PAMR1: variants seen among roughly 807,000 people sequenced by gnomAD.
PAMR1 encodes the protein peptidase domain containing associated with muscle regeneration 1, also known as inactive serine protease PAMR1.
In PAMR1, 88 loss-of-function variants were observed where a neutral mutation model predicts 81.8. The ratio of observed to expected loss-of-function variants is 1.08; its 90% CI spans 0.91 to 1.28. PAMR1 has a LOEUF of 1.28. Among genes scored for constraint, PAMR1 ranks in the 50% most tolerant of loss-of-function variants. PAMR1 has a pLI of 0.00. For synonymous variants in PAMR1, 336 were observed against 345.3 expected (o/e 0.97, Z 0.30); for missense variants, 935 against 919.7 (o/e 1.02, Z -0.21).
Position 35,441,620 on chromosome 11 carries a change from C to A in PAMR1, c.894G>T (p.Gly298=). The change falls in exon 7 of 11, where the codon GGG becomes GGT. Residue 298 remains glycine (G), a synonymous_variant. Transcript: ENST00000619888. ...TTTTAGCATGGCGTCCGTTGATAAG[C>A]CCAGGGCCCCCTGTTATTTTCTGGT... ...NGYQKITGGP[G]LINGRHAKIG... The A allele has an allele frequency of 6.2e-7, 1 of 1,613,954 alleles. No homozygotes were observed. Among genetic ancestry groups the A allele is most frequent in the East Asian group, 2.2e-5 (1 of 44,886 alleles).
intron 6 of PAMR1, among the ~76,000 whole-genome samples, chr11:35,457,493 T>C (rs1240176437): frequency 1.3e-5 from 1 of 78,522 alleles, no homozygotes; most frequent in African/African-American, 4.1e-5. Flanking sequence ...TTTGTGTGTA[T>C]GTGTGTGTGT....
chr11:35,524,402 A>G (rs1419390493), intron 1 of PAMR1, among the ~76,000 whole-genome samples: 1 of 152,106 alleles, frequency 6.6e-6, no homozygotes, highest in Non-Finnish European at 1.5e-5. Flanking sequence ...TTGATCATGA[A>G]GGGATGTGCC....
chr11:35,502,556 T>C (rs615975), intron 1 of PAMR1, among the ~76,000 whole-genome samples: 50,228 of 151,980 alleles, frequency 0.33, 8,516 homozygotes, highest in African/African-American at 0.41. Context: ...TAATGGCTTC[T>C]GGCTTCATCC....
chr11:35,488,544 T>C (rs1850555103), intron 3 of PAMR1, among the ~76,000 whole-genome samples: 1 of 125,376 alleles, frequency 8.0e-6, no homozygotes. Context: ...TTGGTATTTT[T>C]CCACAGCTGT....
intron 3 of PAMR1, among the ~76,000 whole-genome samples, chr11:35,476,666 G>T (rs561373235): frequency 6.6e-6 from 1 of 152,072 alleles, no homozygotes; most frequent in Non-Finnish European, 1.5e-5. Context: ...CCTTGTTCCC[G>T]AACATACTGT....
rs1856038599 is a variant in PAMR1, at chr11:35,436,121, T to A, written c.1115A>T (p.His372Leu). 6.2e-7 allele frequency: 1 copy of A among 1,612,918 alleles called. No homozygotes were observed. Among genetic ancestry groups the A allele is most frequent in the South Asian group, 1.1e-5 (1 of 91,060 alleles). ...GCTGAAGGCCGCTGAGTATAGCTGG[T>A]GTAATGGTGTCTCCCTGGGTCAGGA... ...MQVQSRETPLHQLYSAAFSKQ... is the reference protein window; with the variant it reads ...MQVQSRETPLLQLYSAAFSKQ... Residue 372 changes from histidine (H) to leucine (L), a missense_variant, in exon 9 of 11, where the codon CAC (histidine) becomes CTC (leucine). Transcript: ENST00000619888.
chr11:35,478,194 G>A (rs762026607), intron 3 of PAMR1, among the ~76,000 whole-genome samples: 5 of 152,156 alleles, frequency 3.3e-5, no homozygotes, highest in Admixed American at 1.3e-4. Flanking sequence ...AAGGGAAGGC[G>A]GTGCTCATCC....
chr11:35,473,764 A>G (rs959006214), intron 4 of PAMR1, among the ~76,000 whole-genome samples: 2 of 152,194 alleles, frequency 1.3e-5, no homozygotes, highest in Admixed American at 1.3e-4. Context: ...GCCACCCAGA[A>G]TATACTTAGT....
At chr11:35,451,017 C>T (rs1245701761) in intron 6 of PAMR1, among the ~76,000 whole-genome samples, 1 of 152,210 alleles carries the variant, frequency 6.6e-6, no homozygotes, top group Non-Finnish European at 1.5e-5. Flanking sequence ...TATTTAAGAC[C>T]AGTCTTGGAA....
At chr11:35,522,175 G>A (rs1320326734) in intron 1 of PAMR1, among the ~76,000 whole-genome samples, 2 of 152,122 alleles carry the variant, frequency 1.3e-5, no homozygotes, top group African/African-American at 4.8e-5. Context: ...GCCCGCCCTG[G>A]CCTCCCAAAG....
At chr11:35,525,623 G>GA (rs1555046272), upstream of PAMR1, 1 of 1,593,232 alleles carries the variant, frequency 6.3e-7, no homozygotes. Context: ...TACTGGGGAG[G>GA]GAGAGGAGGG....
chr11:35,447,202 CT>C (rs35773880), intron 6 of PAMR1, among the ~76,000 whole-genome samples: 2,573 of 123,230 alleles, frequency 0.021, 37 homozygotes, highest in African/African-American at 0.067. Context: ...TCCTCCATCC[CT>C]TTTTTTTTTT....
intron 6 of PAMR1, among the ~76,000 whole-genome samples, chr11:35,464,788 T>C (rs567428582): frequency 6.6e-5 from 10 of 152,330 alleles, no homozygotes; most frequent in African/African-American, 2.4e-4. Flanking sequence ...TACACCTCTG[T>C]ACTGTTTGAT....
At chr11:35,509,144 T>C (rs10768146) in intron 1 of PAMR1, among the ~76,000 whole-genome samples, 50,308 of 152,120 alleles carry the variant, frequency 0.33, 8,777 homozygotes, top group East Asian at 0.62. Context: ...TGTAACTTTG[T>C]TCCTTCCCCT....
Position 35,431,829 on chromosome 11 carries a change from T to C in PAMR1, c.*527A>G, listed in dbSNP as rs146109676. 6.4e-6 allele frequency: 1 copy of C among 155,142 alleles called. No homozygotes were observed. The allele number at this position is 155,142 out of a possible 1,614,324, so 9.6% of individuals were successfully genotyped here. On this transcript the variant is annotated 3_prime_UTR_variant, in exon 11 of 11. Coordinates refer to ENST00000619888, the MANE Select transcript of PAMR1 (RefSeq NM_001001991.3). ...GAAATAAGAGCATAGCACATTTGTT[T>C]TGTAGTTCAGAAGCCAACCCTTATT...
In PAMR1 at chr11:35,449,217, T is replaced by C. The variant is rs535077888; in HGVS notation, c.821-7524A>G. 1.9e-4 allele frequency among the ~76,000 whole-genome samples: 29 copies of C among 151,224 alleles called. No individual in the cohort carries two copies. The East Asian group carries it at 4.3e-3, about 22-fold the overall frequency. The stretch of plus-strand genomic sequence containing the variant: ...CCACTCGTCTGGACTACCAGCCACC[T>C]CAGAGCCAGCAAGCAGGAAAGACTA... On this transcript the variant is annotated intron_variant, in intron 6 of 10. Coordinates refer to ENST00000619888, the MANE Select transcript of PAMR1 (RefSeq NM_001001991.3).
chr11:35,521,013 C>G (rs1851262093), intron 1 of PAMR1, among the ~76,000 whole-genome samples: 1 of 152,202 alleles, frequency 6.6e-6, no homozygotes, highest in Non-Finnish European at 1.5e-5. Flanking sequence ...AAGACTTCTG[C>G]ATATTCCTGA....
intron 1 of PAMR1, among the ~76,000 whole-genome samples, chr11:35,496,816 T>G (rs1395127237): frequency 6.6e-6 from 1 of 152,176 alleles, no homozygotes; most frequent in African/African-American, 2.4e-5. Flanking sequence ...TCATTCACAA[T>G]AGCCAAAAGG....
intron 1 of PAMR1, among the ~76,000 whole-genome samples, chr11:35,496,925 G>C (rs980030675): frequency 2.0e-5 from 3 of 152,176 alleles, no homozygotes; most frequent in Admixed American, 2.0e-4. Flanking sequence ...CAACACTTTG[G>C]GAGGCTGAGG....
Sources: allele counts gnomAD v4.1 joint callset (sites outside exome capture counted in the v4.1 genomes callset), GRCh38; gene constraint gnomAD v4.1.1; transcripts MANE v1.5; gene names NCBI Gene and HGNC (gene_info 2026-07-23, HGNC 2026-07-21).